Variants in TRAF3 observed in about 807,000 individuals in gnomAD.
TRAF3 encodes TNF receptor-associated factor 3.
TRAF3 carries 13 observed loss-of-function variants against 62.3 expected under a neutral mutation model. The ratio of observed to expected loss-of-function variants is 0.21; its 90% CI spans 0.14 to 0.33. The LOEUF is 0.33. TRAF3 is among the 10% of genes least tolerant of loss of function. The pLI is 1.00. For missense variants in TRAF3, 440 were observed against 741.8 expected (o/e 0.59, Z 4.73); for synonymous variants, 269 against 283.4 (o/e 0.95, Z 0.51).
chr14:102,845,739 A>C (rs1009199778), intron 2 of TRAF3, among the ~76,000 whole-genome samples: 2 of 151,526 alleles, frequency 1.3e-5, no homozygotes, highest in Non-Finnish European at 2.9e-5. Flanking sequence ...GATGGTCTTG[A>C]TCTCCTGACC....
intron 2 of TRAF3, among the ~76,000 whole-genome samples, chr14:102,849,200 A>T (rs1040887322): frequency 6.6e-6 from 1 of 152,252 alleles, no homozygotes; most frequent in African/African-American, 2.4e-5. Context: ...CACGTCTTCA[A>T]ATACAGTTGA....
intron 10 of TRAF3, 28 bp downstream of exon 10, chr14:102,897,429 C>A: frequency 1.9e-6 from 3 of 1,611,960 alleles, no homozygotes; most frequent in Non-Finnish European, 2.5e-6. Context: ...ACGGCCAGAT[C>A]AAAGGGTGGA....
intron 1 of TRAF3, among the ~76,000 whole-genome samples, chr14:102,806,579 C>G (rs1220484375): frequency 6.6e-6 from 1 of 152,204 alleles, no homozygotes; most frequent in Admixed American, 6.5e-5. Context: ...TATTTAACAG[C>G]TATTGAGTCC....
At chr14:102,817,061 C>T (rs1899580936) in intron 1 of TRAF3, among the ~76,000 whole-genome samples, 1 of 152,020 alleles carries the variant, frequency 6.6e-6, no homozygotes, top group Non-Finnish European at 1.5e-5. Context: ...TTGCCAGAGG[C>T]AGATCAGAGA....
At chr14:102,789,977 G>A (rs986930338) in intron 1 of TRAF3, among the ~76,000 whole-genome samples, 5 of 151,874 alleles carry the variant, frequency 3.3e-5, no homozygotes, top group South Asian at 2.1e-4. Flanking sequence ...ACAGGCACAC[G>A]CCACCATGCC....
intron 2 of TRAF3, among the ~76,000 whole-genome samples, chr14:102,851,381 T>C (rs1887027871): frequency 1.3e-5 from 2 of 152,218 alleles, no homozygotes; most frequent in African/African-American, 4.8e-5. Context: ...GGTCTGTGTG[T>C]GGAAGACACG....
At chr14:102,792,677 T>A (rs545154809) in intron 1 of TRAF3, among the ~76,000 whole-genome samples, 259 of 152,150 alleles carry the variant, frequency 1.7e-3, no homozygotes, top group African/African-American at 5.6e-3. Context: ...ATGTAGTGTA[T>A]TGTATTGATT....
intron 1 of TRAF3, among the ~76,000 whole-genome samples, chr14:102,823,416 A>T (rs1180996851): frequency 6.6e-6 from 1 of 152,220 alleles, no homozygotes; most frequent in Non-Finnish European, 1.5e-5. Flanking sequence ...CTCATGATTA[A>T]AAGTGCTACA....
At position 102,911,445 on chromosome 14, in the gene TRAF3, C is replaced by T. The variant is rs1871363361; in HGVS notation, c.*5661C>T. The stretch of plus-strand genomic sequence containing the variant: ...GTTTGTAAGACTGTAGAATGCAAAA[C>T]TCGGAGATGCTAAACTGTCTTATTA... On this transcript the variant is annotated 3_prime_UTR_variant, in exon 12 of 12. Coordinates refer to ENST00000392745, the MANE Select transcript of TRAF3 (RefSeq NM_145725.3). 6.6e-6 allele frequency: 1 copy of T among 152,206 alleles called. No homozygotes were observed. The allele number at this position is 152,206 out of a possible 1,614,324, so 9.4% of individuals were successfully genotyped here.
chr14:102,895,059 TC>T, intron 9 of TRAF3: 1 of 455,738 alleles, frequency 2.2e-6, no homozygotes, highest in Non-Finnish European at 4.4e-6. Context: ...GGCATACATG[TC>T]ATCTTTTTGC....
At chr14:102,810,340 T>A (rs148098072) in intron 1 of TRAF3, among the ~76,000 whole-genome samples, 2 of 152,270 alleles carry the variant, frequency 1.3e-5, no homozygotes, top group Admixed American at 1.3e-4. Flanking sequence ...TAGGGTGACC[T>A]CAGTGTGTGG....
At position 102,911,444 on chromosome 14, in the gene TRAF3, A is replaced by G. The variant is rs1004890224; in HGVS notation, c.*5660A>G. ...AGTTTGTAAGACTGTAGAATGCAAA[A>G]CTCGGAGATGCTAAACTGTCTTATT... On this transcript the variant is annotated 3_prime_UTR_variant, in exon 12 of 12. Transcript: ENST00000392745. The G allele has an allele frequency of 1.3e-5, 2 of 152,226 alleles. No individual in the cohort carries two copies. The highest frequency in any genetic ancestry group is 6.5e-5 in the Admixed American group (1 of 15,280). The allele number at this position is 152,226 out of a possible 1,614,324, so 9.4% of individuals were successfully genotyped here. A position where few individuals can be genotyped will look rare whatever the true frequency, so the allele number is the denominator to read the frequency against.
At chr14:102,893,483 T>C (rs1889836892) in intron 9 of TRAF3, among the ~76,000 whole-genome samples, 2 of 151,996 alleles carry the variant, frequency 1.3e-5, no homozygotes, top group Non-Finnish European at 2.9e-5. Flanking sequence ...AGCAGGATGG[T>C]TGTGGACCGT....
At chr14:102,804,400 C>T (rs1898642281) in intron 1 of TRAF3, among the ~76,000 whole-genome samples, 3 of 152,188 alleles carry the variant, frequency 2.0e-5, no homozygotes, top group Admixed American at 2.0e-4. Flanking sequence ...TAGCTTTCCA[C>T]TGTGAGGCCG....
chr14:102,885,642 A>G (rs973019187), intron 6 of TRAF3, among the ~76,000 whole-genome samples: 1 of 152,230 alleles, frequency 6.6e-6, no homozygotes, highest in Admixed American at 6.5e-5. Context: ...ACTAAAGATA[A>G]TGTAGATTAA....
chr14:102,795,102 T>C (rs1897999862), intron 1 of TRAF3, among the ~76,000 whole-genome samples: 1 of 152,212 alleles, frequency 6.6e-6, no homozygotes, highest in Non-Finnish European at 1.5e-5. Flanking sequence ...GTAAATCCCC[T>C]AGAGACAGTT....
chr14:102,901,262 T>TCCCC (rs1349437975), intron 10 of TRAF3, among the ~76,000 whole-genome samples: 1 of 152,032 alleles, frequency 6.6e-6, no homozygotes, highest in African/African-American at 2.4e-5. Context: ...CTCGGTGCCA[T>TCCCC]CCCCCTCTTA....
chr14:102,821,756 T>C (rs1282534152), intron 1 of TRAF3, among the ~76,000 whole-genome samples: 2 of 152,120 alleles, frequency 1.3e-5, no homozygotes, highest in East Asian at 3.8e-4. Flanking sequence ...ATACTCAGGG[T>C]TTTGTGGCCG....
chr14:102,887,204 G>A (rs1446832325), intron 7 of TRAF3, among the ~76,000 whole-genome samples: 9 of 152,250 alleles, frequency 5.9e-5, no homozygotes, highest in Non-Finnish European at 1.3e-4. Flanking sequence ...AGTCATCTGG[G>A]GCTACCCTGG....
Sources: allele counts gnomAD v4.1 joint callset (sites outside exome capture counted in the v4.1 genomes callset), GRCh38; gene constraint gnomAD v4.1.1; transcripts MANE v1.5; gene names NCBI Gene and HGNC (gene_info 2026-07-23, HGNC 2026-07-21).